The following TMEM43 variants were observed in gnomAD, a reference collection of about 807,000 sequenced individuals.
The protein encoded by TMEM43 is transmembrane protein 43.
In TMEM43, 45 loss-of-function variants were observed where a neutral mutation model predicts 49.6. The observed-to-expected ratio is 0.91, with a 90% CI of 0.71 to 1.16. The LOEUF is 1.16. Ranked by LOEUF, TMEM43 falls within the 50% of genes most tolerant of loss-of-function variation. TMEM43 has a pLI of 0.00. For missense variants in TMEM43, 532 were observed against 516.6 expected, an observed-to-expected ratio of 1.03 and a Z score of -0.29; for synonymous variants, 199 against 207.8, an observed-to-expected ratio of 0.96 and a Z score of 0.36.
rs747960452 is a variant in TMEM43 at position 14,135,871 on chromosome 3, C to A, written c.845C>A (p.Thr282Asn). 1 of 1,614,210 alleles carries A rather than the reference C, an allele frequency of 6.2e-7. No homozygotes were observed. The highest frequency in any genetic ancestry group is 8.5e-7 in the Non-Finnish European group (1 of 1,180,042). ...LVPFSTKSGD[T>N]LLLLHHGDFS... is the part of the protein sequence containing the mutation. ...CCATTCTCCACCAAGTCTGGGGATA[C>A]CTTACTGCTCCTGCACCACGGGGAC... Residue 282 changes from threonine (T) to asparagine (N), a missense_variant, in exon 10 of 12, where the codon ACC (threonine) becomes AAC (asparagine). Coordinates refer to ENST00000306077, the MANE Select transcript of TMEM43 (RefSeq NM_024334.3).
At chr3:14,135,960 C>T in intron 10 of TMEM43, 52 bp downstream of exon 10, 2 of 1,460,776 alleles carry the variant, frequency 1.4e-6, no homozygotes, top group Non-Finnish European at 1.9e-6. Context: ...GTCCTTCCTT[C>T]CTTCCAGTGG....
At chr3:14,134,953 C>G in intron 8 of TMEM43, 62 bp downstream of exon 8, 1 of 1,609,988 alleles carries the variant, frequency 6.2e-7, no homozygotes, top group Non-Finnish European at 8.5e-7. Flanking sequence ...CAGGTTCCTG[C>G]GCCAGGCAGA....
chr3:14,134,394 C>G (rs539481072), intron 7 of TMEM43, among the ~76,000 whole-genome samples: 1 of 152,148 alleles, frequency 6.6e-6, no homozygotes, highest in African/African-American at 2.4e-5. Context: ...CTGGCCTGGC[C>G]GCTTTCTGTG....
rs756764750 is a variant in TMEM43, at chr3:14,130,872, G to T, written c.213G>T (p.Val71=). ...CATTGGCTGAGGGGCTCTCGCTTGT[G>T]GTGTCTCCCGACAGCATCCACAGTG... ...ATSLAEGLSL[V]VSPDSIHSVA... Residue 71 remains valine (V), a synonymous_variant, in exon 3 of 12, where the codon GTG becomes GTT. Transcript: ENST00000306077. The T allele has an allele frequency of 1.2e-6, 2 of 1,613,778 alleles. No individual in the cohort carries two copies. The highest frequency in any genetic ancestry group is 1.7e-6 in the Non-Finnish European group (2 of 1,179,828).
At chr3:14,136,245 G>A (rs988017109) in intron 10 of TMEM43, among the ~76,000 whole-genome samples, 4 of 152,232 alleles carry the variant, frequency 2.6e-5, no homozygotes, top group African/African-American at 7.2e-5. Context: ...ATGGGGTCAA[G>A]TGTGGGATTT....
Position 14,141,678 on chromosome 3 carries a change from G to A in TMEM43, c.1086G>A (p.Leu362=), listed in dbSNP as rs1158178415. 5 of 1,614,216 alleles carry A rather than the reference G, an allele frequency of 3.1e-6. No homozygotes were observed. Among genetic ancestry groups the A allele is most frequent in the Non-Finnish European group, 4.2e-6 (5 of 1,180,044 alleles). ...GTGTGGCCACCTCGCTGACCCTGCT[G>A]ACCGTGGCGGCTGGCTGGCTCTTCT... ...AFCVATSLTL[L]TVAAGWLFYR... is the part of the protein sequence containing the mutation. Residue 362 remains leucine, a synonymous_variant, in exon 12 of 12, where the codon CTG becomes CTA. Coordinates refer to ENST00000306077, the MANE Select transcript of TMEM43 (RefSeq NM_024334.3).
chr3:14,135,363 C>T (rs71306080), intron 9 of TMEM43, 131 bp downstream of exon 9: 4 of 781,136 alleles, frequency 5.1e-6, no homozygotes, highest in South Asian at 4.4e-5. Flanking sequence ...CGCACACACT[C>T]TCAGCCAGGC....
At position 14,142,920 on chromosome 3, in the gene TMEM43, A is replaced by G. The variant is rs1695271518; in HGVS notation, c.*1125A>G. On this transcript the variant is annotated 3_prime_UTR_variant, in exon 12 of 12. Transcript: ENST00000306077. Reference sequence around the variant, plus strand: ...GCTCCTTCATGGTGACGCCCCGTCAACCACAATCAAGAACTGAGGCCTGAG... The same window carrying G: ...GCTCCTTCATGGTGACGCCCCGTCAGCCACAATCAAGAACTGAGGCCTGAG... 1 of 152,254 alleles carries G rather than the reference A, an allele frequency of 6.6e-6. No homozygotes were observed. Among genetic ancestry groups the G allele is most frequent in the Admixed American group, 6.5e-5 (1 of 15,286 alleles). 9.4% of individuals were successfully genotyped at this position (152,254 alleles called of 1,614,324 possible).
chr3:14,137,138 TGTG>T (rs1394756974), intron 10 of TMEM43: 1 of 149,478 alleles, frequency 6.7e-6, no homozygotes, highest in Non-Finnish European at 1.5e-5. Context: ...GCCTCCAGCT[TGTG>T]GTGGTGCTTG....
rs562473291 is a variant in TMEM43, at chr3:14,129,172, A to C, written c.13-240A>C. On this transcript the variant is annotated intron_variant, in intron 1 of 11. Transcript: ENST00000306077. The stretch of plus-strand genomic sequence containing the variant: ...GGGGGAGAATTGGCAGGAAAGGGGC[A>C]CAAAGAAACTTTTTGGGGTGATGGA... The C allele has an allele frequency of 4.5e-5, 19 of 425,162 alleles. 1 individual carries two copies. Among genetic ancestry groups the C allele is most frequent in the South Asian group, 4.0e-4 (19 of 47,254 alleles). The allele number at this position is 425,162 out of a possible 1,614,324, so 26.3% of individuals were successfully genotyped here.
In TMEM43 at chr3:14,132,563, G is replaced by A. The variant is rs760628106; in HGVS notation, c.410G>A (p.Gly137Glu). 1 of 1,614,170 alleles carries A rather than the reference G, an allele frequency of 6.2e-7. No homozygotes were observed. The highest frequency in any genetic ancestry group is 8.5e-7 in the Non-Finnish European group (1 of 1,180,020). Residue 137 changes from glycine to glutamate, a missense_variant, in exon 5 of 12, where the codon GGG becomes GAG. Coordinates refer to ENST00000306077, the MANE Select transcript of TMEM43 (RefSeq NM_024334.3). ...TEESREYTED[G>E]QVKKETRYSY... is the part of the protein sequence containing the mutation. ...CCCTGCAGGGAGTACACCGAGGATG[G>A]GCAGGTGAAGAAGGAGACGAGGTAT...
In TMEM43 at chr3:14,132,586, T is replaced by C. The variant is rs763100204; in HGVS notation, c.433T>C (p.Tyr145His). The change falls in exon 5 of 12, where the codon TAT becomes CAT. Residue 145 changes from tyrosine (Y) to histidine (H), a missense_variant. Coordinates refer to ENST00000306077, the MANE Select transcript of TMEM43 (RefSeq NM_024334.3). ...EDGQVKKETR[Y>H]SYNTEWRSEI... is the part of the protein sequence containing the mutation. ...TGGGCAGGTGAAGAAGGAGACGAGG[T>C]ATTCCTACAGTGAGTGCTGGGCCCC... 1 of 1,613,746 alleles carries C rather than the reference T, an allele frequency of 6.2e-7. No homozygotes were observed. Among genetic ancestry groups the C allele is most frequent in the African/African-American group, 1.3e-5 (1 of 74,838 alleles).
chr3:14,129,534 C>T lies in TMEM43; in HGVS notation c.135C>T (p.Leu45=). The T allele has an allele frequency of 6.2e-7, 1 of 1,614,138 alleles. No individual in the cohort carries two copies. Among genetic ancestry groups the T allele is most frequent in the Non-Finnish European group, 8.5e-7 (1 of 1,180,030 alleles). ...TTGTGGGGCTCATGGCCTTCCTGCTCTCCTTCTACCTAATTTTCACCAATG... is the reference window on the plus strand; with the variant it reads ...TTGTGGGGCTCATGGCCTTCCTGCTTTCCTTCTACCTAATTTTCACCAATG... ...GMFVGLMAFL[L]SFYLIFTNEG... The change falls in exon 2 of 12, where the codon CTC becomes CTT. Residue 45 remains leucine, a synonymous_variant. Transcript: ENST00000306077.
At chr3:14,139,396 C>A in intron 11 of TMEM43, 99 bp downstream of exon 11, 1 of 875,610 alleles carries the variant, frequency 1.1e-6, no homozygotes, top group Non-Finnish European at 1.9e-6. Flanking sequence ...ATGGGATGGC[C>A]CTTGTGCAGA....
intron 4 of TMEM43, among the ~76,000 whole-genome samples, chr3:14,132,152 T>C (rs1695104607): frequency 1.3e-5 from 2 of 152,120 alleles, no homozygotes; most frequent in Non-Finnish European, 2.9e-5. Context: ...CCCACCTGAA[T>C]CATATGGACT....
chr3:14,136,753 CG>C (rs1695175686), intron 10 of TMEM43, among the ~76,000 whole-genome samples: 1 of 136,268 alleles, frequency 7.3e-6, no homozygotes, highest in African/African-American at 3.1e-5. Context: ...ATTAGGAGGG[CG>C]GGGAAGGGTT....
At chr3:14,138,998 C>T (rs1369788973) in intron 10 of TMEM43, among the ~76,000 whole-genome samples, 182 bp from the exon 11 acceptor site, 1 of 152,178 alleles carries the variant, frequency 6.6e-6, no homozygotes, top group Non-Finnish European at 1.5e-5. Flanking sequence ...CATGCCTTGC[C>T]CTGTGCTCTG....
Position 14,133,015 on chromosome 3 carries a change from C to G in TMEM43, c.512+80C>G. 3.2e-6 allele frequency: 4 copies of G among 1,242,906 alleles called. No homozygotes were observed. In the South Asian group the frequency reaches 4.8e-5, roughly 15 times the overall value. 77.0% of individuals were successfully genotyped at this position (1,242,906 alleles called of 1,614,324 possible). A position where few individuals can be genotyped will look rare whatever the true frequency, so the allele number is the denominator to read the frequency against. ...AGCCTCAGTTTCTTCATCTGAATAA[C>G]AGGATTGAGTTAATCCTGCCTCGTG... is the stretch of plus-strand genomic sequence containing the variant. On this transcript the variant is annotated intron_variant, in intron 6 of 11. Coordinates refer to ENST00000306077, the MANE Select transcript of TMEM43 (RefSeq NM_024334.3).
chr3:14,138,362 G>T (rs59432343), intron 10 of TMEM43, among the ~76,000 whole-genome samples: 3,496 of 152,226 alleles, frequency 0.023, 126 homozygotes, highest in African/African-American at 0.079. Context: ...ACACAGAGTG[G>T]GTGATAGAAG....
Sources: allele counts gnomAD v4.1 joint callset (sites outside exome capture counted in the v4.1 genomes callset), GRCh38; gene constraint gnomAD v4.1.1; transcripts MANE v1.5; gene names NCBI Gene and HGNC (gene_info 2026-07-23, HGNC 2026-07-21).